Variants in PCDHA4 observed in about 807,000 individuals in gnomAD.
PCDHA4 encodes the protein protocadherin alpha 4.
A neutral mutation model predicts 61.4 loss-of-function variants in PCDHA4; 49 were observed. The ratio of observed to expected loss-of-function variants is 0.80; its 90% CI spans 0.63 to 1.01. The LOEUF (loss-of-function observed/expected upper bound fraction) is 1.01. Among genes scored for constraint, PCDHA4 ranks in the 50% least tolerant of loss-of-function variants. The probability of loss-of-function intolerance (pLI) is 0.00; values close to 1 mark genes in which losing one functional copy is unlikely to be tolerated. For missense variants in PCDHA4, 1,254 were observed against 1,235.8 expected, an observed-to-expected ratio of 1.01 and a Z score of -0.22; for synonymous variants, 590 against 550.3, an observed-to-expected ratio of 1.07 and a Z score of -1.01.
intron 1 of PCDHA4, chr5:140,822,989 CGTT>C (rs2150121099): frequency 1.5e-5 from 24 of 1,614,244 alleles, no homozygotes; most frequent in Non-Finnish European, 2.0e-5. Context: ...AATTACTACT[CGTT>C]GGTGCTGGAC....
At position 140,883,032 on chromosome 5, in the gene PCDHA4, C is replaced by G. The variant is rs2153389895; in HGVS notation, c.2385+73460C>G. The G allele has an allele frequency of 6.2e-6, 10 of 1,614,064 alleles. No individual in the cohort carries two copies. The South Asian group carries it at 8.8e-5, about 14-fold the overall frequency. ...TATAAAGTGACGGTGTTAGAGAACG[C>G]CTTCAATGGAACATTAGTGATCAAG... On this transcript the variant is annotated intron_variant, in intron 1 of 3. Transcript: ENST00000530339.
intron 1 of PCDHA4, among the ~76,000 whole-genome samples, chr5:140,892,469 A>G (rs557049666): frequency 1.3e-5 from 2 of 152,302 alleles, no homozygotes; most frequent in South Asian, 4.1e-4. Context: ...ACGGTTATTC[A>G]GTTTCCTAGC....
At chr5:140,869,531 C>A (rs782191099) in intron 1 of PCDHA4, 11 of 1,614,032 alleles carry the variant, frequency 6.8e-6, no homozygotes, top group African/African-American at 2.7e-5. Flanking sequence ...CTGCTGATTG[C>A]GGAATCTAAG....
At chr5:140,888,796 T>C (rs1158691492) in intron 1 of PCDHA4, among the ~76,000 whole-genome samples, 1 of 152,008 alleles carries the variant, frequency 6.6e-6, no homozygotes, top group East Asian at 1.9e-4. Context: ...TCTGGGGAGG[T>C]TGATCAGTGA....
intron 1 of PCDHA4, chr5:140,966,770 G>C: frequency 2.0e-6 from 3 of 1,500,088 alleles, no homozygotes; most frequent in Non-Finnish European, 2.7e-6. Flanking sequence ...AGTGGCTATG[G>C]AGCAGGCGGG....
At chr5:140,972,027 C>A (rs2096514532) in intron 1 of PCDHA4, among the ~76,000 whole-genome samples, 1 of 152,110 alleles carries the variant, frequency 6.6e-6, no homozygotes, top group African/African-American at 2.4e-5. Flanking sequence ...GATATTCAGG[C>A]ATTTAAGCTA....
At chr5:140,945,243 A>G (rs1554216829) in intron 1 of PCDHA4, among the ~76,000 whole-genome samples, 1 of 152,166 alleles carries the variant, frequency 6.6e-6, no homozygotes, top group Admixed American at 6.5e-5. Flanking sequence ...AATTTAACCA[A>G]GAGGATGAAA....
intron 1 of PCDHA4, among the ~76,000 whole-genome samples, chr5:140,944,781 G>T (rs1404959208): frequency 6.6e-6 from 1 of 152,114 alleles, no homozygotes; most frequent in Non-Finnish European, 1.5e-5. Context: ...TCCTGTTATT[G>T]TATTTTACAA....
chr5:140,965,174 CT>C (rs1213439654), intron 1 of PCDHA4, among the ~76,000 whole-genome samples: 1 of 152,110 alleles, frequency 6.6e-6, no homozygotes, highest in East Asian at 1.9e-4. Context: ...TTAGTGAGTG[CT>C]TTTTTTGCAC....
chr5:141,009,582 G>A, intron 3 of PCDHA4, 45 bp from the exon 4 acceptor site: 1 of 1,590,226 alleles, frequency 6.3e-7, no homozygotes, highest in Non-Finnish European at 8.6e-7. Context: ...GGCATCAAGA[G>A]CATGTGTTGA....
chr5:140,819,746 AAG>A (rs1283118330), intron 1 of PCDHA4, among the ~76,000 whole-genome samples: 18 of 152,094 alleles, frequency 1.2e-4, no homozygotes, highest in Non-Finnish European at 2.4e-4. Flanking sequence ...ATCAAAAGTC[AAG>A]AGTCTTGTTT....
chr5:141,009,545 A>G, intron 3 of PCDHA4, 82 bp from the exon 4 acceptor site: 2 of 1,535,938 alleles, frequency 1.3e-6, no homozygotes, highest in Non-Finnish European at 1.8e-6. Flanking sequence ...CTGCCTATGC[A>G]GTACTCCTGT....
At chr5:140,871,057 G>A (rs1554165044) in intron 1 of PCDHA4, 7 of 1,613,300 alleles carry the variant, frequency 4.3e-6, no homozygotes, top group Non-Finnish European at 5.9e-6. Flanking sequence ...ACTGGTGAAG[G>A]ATCACGGTGA....
chr5:140,884,428 G>T, intron 1 of PCDHA4: 1 of 1,613,962 alleles, frequency 6.2e-7, no homozygotes, highest in East Asian at 2.2e-5. Flanking sequence ...TGTATACTGC[G>T]CTGCGGTGCT....
intron 1 of PCDHA4, among the ~76,000 whole-genome samples, chr5:140,845,321 T>A (rs1395146345): frequency 6.7e-6 from 1 of 149,684 alleles, no homozygotes; most frequent in Non-Finnish European, 1.5e-5. Context: ...AGGTATTACT[T>A]TAATTACTGA....
chr5:140,967,073 G>T, intron 1 of PCDHA4: 1 of 1,613,160 alleles, frequency 6.2e-7, no homozygotes, highest in Non-Finnish European at 8.5e-7. Flanking sequence ...CTTCGTCAAC[G>T]AGCGCATTGA....
At chr5:140,881,382 C>A in intron 1 of PCDHA4, 1 of 984,112 alleles carries the variant, frequency 1.0e-6, no homozygotes, top group Non-Finnish European at 1.2e-6. Context: ...CAGCCGGCGG[C>A]GGTAAGTTAA....
intron 1 of PCDHA4, among the ~76,000 whole-genome samples, chr5:140,898,264 C>T (rs1360270871): frequency 6.6e-6 from 1 of 152,166 alleles, no homozygotes; most frequent in Non-Finnish European, 1.5e-5. Context: ...AGTCCTTGCC[C>T]ATGCCTAAGT....
chr5:140,834,325 C>A, intron 1 of PCDHA4: 3 of 1,449,214 alleles, frequency 2.1e-6, no homozygotes, highest in Non-Finnish European at 2.8e-6. Context: ...GGGATAAAAA[C>A]ATTCCTATAA....
Sources: gnomAD v4.1 joint callset for allele counts (sites outside exome capture counted in the v4.1 genomes callset) on GRCh38, gnomAD v4.1.1 for gene constraint, MANE v1.5 for transcripts, NCBI Gene and HGNC (gene_info 2026-07-23, HGNC 2026-07-21) for gene names.